Variants in KASH5 observed in about 807,000 individuals in gnomAD.
The protein encoded by KASH5 is protein KASH5.
A neutral mutation model predicts 84.2 loss-of-function variants in KASH5; 72 were observed. That is an observed-to-expected ratio of 0.85 (90% CI 0.71 to 1.04). KASH5 has a LOEUF of 1.04. Among genes scored for constraint, KASH5 ranks in the 50% least tolerant of loss-of-function variants. KASH5 has a pLI of 0.00. For missense variants in KASH5, 650 were observed against 701.0 expected (o/e 0.93, Z 0.82); for synonymous variants, 260 against 279.1 (o/e 0.93, Z 0.68).
intron 9 of KASH5, among the ~76,000 whole-genome samples, chr19:49,400,045 A>G (rs1974311144): frequency 1.3e-5 from 2 of 152,070 alleles, no homozygotes; most frequent in Admixed American, 6.6e-5. Flanking sequence ...CCCGGGCAAC[A>G]TGGCAAAACC....
intron 9 of KASH5, among the ~76,000 whole-genome samples, chr19:49,403,700 G>A (rs998549984): frequency 7.2e-5 from 11 of 152,108 alleles, no homozygotes; most frequent in African/African-American, 1.9e-4. Flanking sequence ...TAGATCCCTC[G>A]ACAAAAGCAG....
chr19:49,396,332 G>A (rs1288144132), intron 5 of KASH5, among the ~76,000 whole-genome samples: 1 of 139,792 alleles, frequency 7.2e-6, no homozygotes, highest in African/African-American at 2.7e-5. Context: ...TCAGCTCACC[G>A]CCACCCCCGC....
Position 49,399,111 on chromosome 19 carries a change from A to G in KASH5, c.716A>G (p.Asn239Ser). The change falls in exon 8 of 20, where the codon AAT (asparagine) becomes AGT (serine). Residue 239 changes from asparagine to serine, a missense_variant. Asn to Ser is a conservative substitution (Grantham distance 46). Coordinates refer to ENST00000447857, the MANE Select transcript of KASH5 (RefSeq NM_144688.5). This position sits in a 1 kb window ranked among gnomAD's most constrained non-coding sequence, Gnocchi z 4.4. ...CTGGCCAGGAGCCTGGAGGAACAGA[A>G]TCGCAGCCTTCTGGCCCAAGCCCGG... ...KTLARSLEEQ[N>S]RSLLAQARQA... 1 of 1,551,628 alleles carries G rather than the reference A, an allele frequency of 6.4e-7. No homozygotes were observed. Among genetic ancestry groups the G allele is most frequent in the Non-Finnish European group, 8.7e-7 (1 of 1,146,958 alleles).
chr19:49,397,517 G>A, intron 5 of KASH5, 134 bp from the exon 6 acceptor site: 1 of 746,908 alleles, frequency 1.3e-6, no homozygotes. Flanking sequence ...TATAACTGCA[G>A]CCCCAAAAGC....
At position 49,399,563 on chromosome 19, in the gene KASH5, G is replaced by A. The variant is rs763859807; in HGVS notation, c.798+56G>A. 22 of 1,564,052 alleles carry A rather than the reference G, an allele frequency of 1.4e-5. No homozygotes were observed. In the African/African-American group the frequency reaches 1.9e-4, roughly 14 times the overall value. Reference sequence around the variant, plus strand: ...CTTCCCCAGTCCTTAAGGTCTTCTTGACACCACTCCCTTCTGCCCCCAACA... The same window carrying A: ...CTTCCCCAGTCCTTAAGGTCTTCTTAACACCACTCCCTTCTGCCCCCAACA... On this transcript the variant is annotated intron_variant, in intron 9 of 19. Transcript: ENST00000447857. This position sits in a 1 kb window ranked among gnomAD's most constrained non-coding sequence, Gnocchi z 4.4.
rs1032708630 is a variant in KASH5 at position 49,397,500 on chromosome 19, C to T, written c.401-151C>T. On this transcript the variant is annotated intron_variant, in intron 5 of 19. Coordinates refer to ENST00000447857, the MANE Select transcript of KASH5 (RefSeq NM_144688.5). The stretch of plus-strand genomic sequence containing the variant: ...GTAGAAGACAAGCAAGAGGGCTTTA[C>T]AGTGGGTATAACTGCAGCCCCAAAA... The T allele has an allele frequency of 4.5e-6, 3 of 663,776 alleles. No individual in the cohort carries two copies. The Admixed American group carries it at 8.0e-5, about 18-fold the overall frequency. The allele number at this position is 663,776 out of a possible 1,614,324, so 41.1% of individuals were successfully genotyped here. A position where few individuals can be genotyped will look rare whatever the true frequency, so the allele number is the denominator to read the frequency against.
intron 16 of KASH5, 94 bp downstream of exon 16, chr19:49,413,120 T>C: frequency 1.6e-6 from 2 of 1,216,336 alleles, no homozygotes; most frequent in South Asian, 1.3e-5. Flanking sequence ...GGGATCGGCA[T>C]TCATTCATTC....
intron 15 of KASH5, among the ~76,000 whole-genome samples, chr19:49,411,202 T>C (rs1974698468): frequency 6.6e-6 from 1 of 151,978 alleles, no homozygotes; most frequent in African/African-American, 2.4e-5. Context: ...TCTCCTAGAG[T>C]GCTGGGATTA....
At chr19:49,401,123 ATCT>A (rs1974348329) in intron 9 of KASH5, among the ~76,000 whole-genome samples, 1 of 152,142 alleles carries the variant, frequency 6.6e-6, no homozygotes, top group South Asian at 2.1e-4. Context: ...TGGACATACC[ATCT>A]TCTTCATCTT....
chr19:49,402,231 G>C (rs1974383851), intron 9 of KASH5, among the ~76,000 whole-genome samples: 1 of 148,530 alleles, frequency 6.7e-6, no homozygotes, highest in Non-Finnish European at 1.5e-5. Context: ...GACAGAGCAA[G>C]ACTCAGTCTC....
chr19:49,395,050 C>A lies in KASH5; in HGVS notation c.149-56C>A. 4 of 1,406,082 alleles carry A rather than the reference C, an allele frequency of 2.8e-6. No individual in the cohort carries two copies. The highest frequency in any genetic ancestry group is 3.8e-6 in the Non-Finnish European group (4 of 1,041,798). The allele number at this position is 1,406,082 out of a possible 1,614,324, so 87.1% of individuals were successfully genotyped here. The stretch of plus-strand genomic sequence containing the variant: ...ATCCTGGTCCCAAGCTGCTGCCAGT[C>A]CATACCCATCACTCCCCACCTGCCC... On this transcript the variant is annotated intron_variant, in intron 3 of 19. Coordinates refer to ENST00000447857, the MANE Select transcript of KASH5 (RefSeq NM_144688.5). The surrounding 1 kb of genome is among the most constrained non-coding windows in gnomAD (Gnocchi z 4.4).
rs1388329832 is a variant in KASH5, at chr19:49,414,399, G to C, written c.1329-552G>C. Among the ~76,000 whole-genome samples the C allele has an allele frequency of 6.6e-6, 1 of 152,104 alleles. No individual in the cohort carries two copies. The stretch of plus-strand genomic sequence containing the variant: ...GTCTGAGTTGGAGTCCCAGTCCTCA[G>C]AGAGCACCCAGTGACAGTCATTGAA... On this transcript the variant is annotated intron_variant, in intron 16 of 19. Transcript: ENST00000447857. This position sits in a 1 kb window ranked among gnomAD's most constrained non-coding sequence, Gnocchi z 4.5.
chr19:49,405,372 G>A (rs1354215912), intron 9 of KASH5, among the ~76,000 whole-genome samples: 2 of 150,482 alleles, frequency 1.3e-5, no homozygotes, highest in East Asian at 2.0e-4. Flanking sequence ...CAGGAGAATC[G>A]CTTGAACCTG....
intron 10 of KASH5, 90 bp from the exon 11 acceptor site, chr19:49,407,150 G>C (rs1282691826): frequency 6.8e-7 from 1 of 1,465,880 alleles, no homozygotes; most frequent in East Asian, 2.3e-5. Context: ...AATACGTGGG[G>C]GTGCGAGAGA....
chr19:49,395,950 A>G lies in KASH5; in HGVS notation c.400+117A>G. The G allele has an allele frequency of 1.3e-6, 1 of 776,350 alleles. No individual in the cohort carries two copies. The highest frequency in any genetic ancestry group is 2.1e-6 in the Non-Finnish European group (1 of 473,130). 48.1% of individuals were successfully genotyped at this position (776,350 alleles called of 1,614,324 possible). On this transcript the variant is annotated intron_variant, in intron 5 of 19. Transcript: ENST00000447857. This position sits in a 1 kb window ranked among gnomAD's most constrained non-coding sequence, Gnocchi z 4.4. The stretch of plus-strand genomic sequence containing the variant: ...GAACCAGGGACCTTTACTGTAGACT[A>G]GAGCTGTGAGTGTGGCTTTCTAGGT...
At chr19:49,407,142 T>C (rs1974551672) in intron 10 of KASH5, 98 bp from the exon 11 acceptor site, 8 of 1,435,328 alleles carry the variant, frequency 5.6e-6, no homozygotes, top group Non-Finnish European at 7.7e-6. Flanking sequence ...GGAGGCTGAA[T>C]ACGTGGGGGT....
chr19:49,414,834 C>T lies in KASH5; in HGVS notation c.1329-117C>T, dbSNP rs984829601. 10 of 1,180,208 alleles carry T rather than the reference C, an allele frequency of 8.5e-6. No individual in the cohort carries two copies. Among genetic ancestry groups the T allele is most frequent in the Admixed American group, 2.0e-5 (1 of 50,300 alleles). The allele number at this position is 1,180,208 out of a possible 1,614,324, so 73.1% of individuals were successfully genotyped here. A position where few individuals can be genotyped will look rare whatever the true frequency, so the allele number is the denominator to read the frequency against. ...CTGCCTGGCCTCCCCCAGGCCCGTC[C>T]GTGCTGCCTGGCCTGTGCTAAGACC... On this transcript the variant is annotated intron_variant, in intron 16 of 19. Transcript: ENST00000447857. This position sits in a 1 kb window ranked among gnomAD's most constrained non-coding sequence, Gnocchi z 4.5.
At chr19:49,403,362 ACT>A (rs943890135) in intron 9 of KASH5, among the ~76,000 whole-genome samples, 4 of 138,202 alleles carry the variant, frequency 2.9e-5, no homozygotes, top group South Asian at 2.6e-4. Flanking sequence ...ACAGAGCAAG[ACT>A]CTGTCTCAAA....
At chr19:49,391,578 A>G (rs1019881735) in intron 2 of KASH5, 3 of 152,184 alleles carry the variant, frequency 2.0e-5, no homozygotes, top group Admixed American at 6.5e-5. Context: ...TATATAGCCA[A>G]TATAAAAAAT....
Sources: gnomAD v4.1 joint callset for allele counts (sites outside exome capture counted in the v4.1 genomes callset) on GRCh38, gnomAD v4.1.1 for gene constraint, Gnocchi (gnomAD v3.1) non-coding constraint, MANE v1.5 for transcripts, NCBI Gene and HGNC (gene_info 2026-07-23, HGNC 2026-07-21) for gene names.